The following C8orf89 variants were observed in gnomAD, a reference collection of about 807,000 sequenced individuals.
C8orf89 encodes the protein chromosome 8 open reading frame 89.
A neutral mutation model predicts 15.8 loss-of-function variants in C8orf89; 14 were observed. The ratio of observed to expected loss-of-function variants is 0.89; its 90% CI spans 0.59 to 1.39. The LOEUF is 1.39. Ranked by LOEUF, C8orf89 falls within the 40% of genes most tolerant of loss-of-function variation. The probability of loss-of-function intolerance (pLI) is 0.00; values close to 1 mark genes in which losing one functional copy is unlikely to be tolerated. For missense variants in C8orf89, 181 were observed against 184.5 expected, an observed-to-expected ratio of 0.98 and a Z score of 0.11; for synonymous variants, 55 against 62.2, an observed-to-expected ratio of 0.88 and a Z score of 0.54.
At chr8:73,266,853 A>G in the C8orf89 span, among the ~76,000 whole-genome samples, 1 of 152,136 alleles carries the variant, frequency 6.6e-6, no homozygotes, top group Non-Finnish European at 1.5e-5. Flanking sequence ...AGAAAAAAAA[A>G]ACTAGGGCCC....
At chr8:73,261,048 C>G (rs371036069), upstream of C8orf89, among the ~76,000 whole-genome samples, 47 of 152,278 alleles carry the variant, frequency 3.1e-4, no homozygotes, top group South Asian at 8.7e-3. Context: ...CTTGGACTTA[C>G]ACCCAGTGAT....
chr8:73,260,172 GA>G (rs1241709439), upstream of C8orf89, among the ~76,000 whole-genome samples: 3 of 152,180 alleles, frequency 2.0e-5, no homozygotes, highest in Non-Finnish European at 4.4e-5. Context: ...AAGCCTTAGA[GA>G]AACATGCTAA....
the C8orf89 span, chr8:73,277,941 TGTCTGTGTTG>T: frequency 1.5e-6 from 1 of 663,090 alleles, no homozygotes; most frequent in South Asian, 1.4e-5. Context: ...GAGAGAAACA[TGTCTGTGTTG>T]GCCAGCAACA....
At chr8:73,277,374 G>A in the C8orf89 span, 5 of 1,062,270 alleles carry the variant, frequency 4.7e-6, no homozygotes, top group Non-Finnish European at 6.9e-6. Context: ...TTTTCTCTGA[G>A]GCCAAAGTCT....
At chr8:73,285,168 G>C in the C8orf89 span, among the ~76,000 whole-genome samples, 1 of 152,142 alleles carries the variant, frequency 6.6e-6, no homozygotes, top group Non-Finnish European at 1.5e-5. Flanking sequence ...TGGGAGAAGG[G>C]AAGACACAGG....
chr8:73,249,006 T>C (rs936832715), intron 3 of C8orf89, among the ~76,000 whole-genome samples: 20 of 151,902 alleles, frequency 1.3e-4, no homozygotes, highest in African/African-American at 4.8e-4. Flanking sequence ...TGTCTTGTGC[T>C]GGTTTTCAGG....
At chr8:73,250,544 T>G (rs935134497) in intron 2 of C8orf89, among the ~76,000 whole-genome samples, 1 of 152,190 alleles carries the variant, frequency 6.6e-6, no homozygotes, top group African/African-American at 2.4e-5. Context: ...CCCACAGACC[T>G]TTATCATACC....
At chr8:73,272,879 A>T in the C8orf89 span, among the ~76,000 whole-genome samples, 1 of 152,140 alleles carries the variant, frequency 6.6e-6, no homozygotes, top group Non-Finnish European at 1.5e-5. Flanking sequence ...TCTATTTTAC[A>T]TTGAGAAACC....
chr8:73,246,151 T>C (rs919069748), intron 3 of C8orf89, among the ~76,000 whole-genome samples: 7 of 152,240 alleles, frequency 4.6e-5, no homozygotes, highest in African/African-American at 1.7e-4. Context: ...ATTTCAGGAA[T>C]GCAAGAGTGA....
chr8:73,257,071 A>C lies in C8orf89; in HGVS notation c.183T>G (p.Tyr61Ter), dbSNP rs1201286109. Residue 61 changes from tyrosine (Y) to a stop codon, truncating the protein, a stop_gained, in exon 2 of 4, where the codon TAT becomes TAG. Coordinates refer to ENST00000624510, the MANE Select transcript of C8orf89 (RefSeq NM_001243237.3). LOFTEE classifies it high-confidence loss of function. ...EELKECIKMPYLPGLQSCQKS... is the reference protein window; with the variant it reads ...EELKECIKMP ...TTTGGCAACTTTGCAGTCCTGGTAA[A>C]TATGGCATTTTGATACATTCCTTGA... is the stretch of plus-strand genomic sequence containing the variant. 1 of 1,535,782 alleles carries C rather than the reference A, an allele frequency of 6.5e-7. No homozygotes were observed. Among genetic ancestry groups the C allele is most frequent in the Non-Finnish European group, 8.7e-7 (1 of 1,146,656 alleles).
At chr8:73,251,812 A>G (rs1388500803) in intron 2 of C8orf89, among the ~76,000 whole-genome samples, 1 of 152,212 alleles carries the variant, frequency 6.6e-6, no homozygotes, top group African/African-American at 2.4e-5. Context: ...AAGGGTAACA[A>G]GACGGGTCCA....
intron 3 of C8orf89, among the ~76,000 whole-genome samples, chr8:73,243,171 G>A (rs1485278178): frequency 6.6e-6 from 1 of 152,184 alleles, no homozygotes; most frequent in Non-Finnish European, 1.5e-5. Context: ...GATAGTGGAG[G>A]AGAGATGCGG....
At chr8:73,252,897 T>C (rs955497876) in intron 2 of C8orf89, among the ~76,000 whole-genome samples, 1 of 152,074 alleles carries the variant, frequency 6.6e-6, no homozygotes, top group Non-Finnish European at 1.5e-5. Flanking sequence ...ATCCCAGCAC[T>C]TTGGGAGGCC....
At chr8:73,264,547 G>A in the C8orf89 span, among the ~76,000 whole-genome samples, 2 of 152,216 alleles carry the variant, frequency 1.3e-5, no homozygotes, top group Admixed American at 6.5e-5. Context: ...CTGGAGTGCA[G>A]TGGCGCGATC....
chr8:73,251,269 C>G (rs944463010), intron 2 of C8orf89, among the ~76,000 whole-genome samples: 1 of 152,026 alleles, frequency 6.6e-6, no homozygotes, highest in Non-Finnish European at 1.5e-5. Flanking sequence ...AATATTCACA[C>G]AAGGAGGGAA....
At chr8:73,259,149 A>G (rs1039781589) in intron 1 of C8orf89, among the ~76,000 whole-genome samples, 183 bp downstream of exon 1, 2 of 152,174 alleles carry the variant, frequency 1.3e-5, no homozygotes, top group African/African-American at 4.8e-5. Context: ...TTCCATCATG[A>G]GTCACAGAAT....
intron 3 of C8orf89, among the ~76,000 whole-genome samples, chr8:73,248,822 A>G (rs1813184651): frequency 6.6e-6 from 1 of 152,218 alleles, no homozygotes. Context: ...GTTGTTTATC[A>G]GCTTAAGGAG....
At chr8:73,283,275 A>G in the C8orf89 span, among the ~76,000 whole-genome samples, 4 of 152,226 alleles carry the variant, frequency 2.6e-5, no homozygotes, top group Non-Finnish European at 5.9e-5. Flanking sequence ...ATTATTAATA[A>G]CATTACTGTA....
At chr8:73,278,177 G>A in the C8orf89 span, 3 of 218,526 alleles carry the variant, frequency 1.4e-5, no homozygotes, top group South Asian at 1.6e-4. Context: ...GCCATAATAC[G>A]ATGTATAATT....
Sources: allele counts gnomAD v4.1 joint callset (sites outside exome capture counted in the v4.1 genomes callset), GRCh38; gene constraint gnomAD v4.1.1; transcripts MANE v1.5; gene names NCBI Gene and HGNC (gene_info 2026-07-23, HGNC 2026-07-21).